Variants in HJURP observed in about 807,000 individuals in gnomAD.
HJURP encodes Holliday junction recognition protein, also known as 14-3-3-associated AKT substrate.
A neutral mutation model predicts 72.0 loss-of-function variants in HJURP; 49 were observed. The observed-to-expected ratio is 0.68, with a 90% confidence interval of 0.54 to 0.86. The LOEUF is 0.86. Among genes scored for constraint, HJURP ranks in the 40% least tolerant of loss-of-function variants. The pLI is 0.00. For missense variants in HJURP, 908 were observed against 936.3 expected (o/e 0.97, Z 0.39); for synonymous variants, 357 against 347.1 (o/e 1.03, Z -0.32).
rs1486121451 is a variant in HJURP, at chr2:233,840,756, T to A, written c.2024A>T (p.Asp675Val). 2.5e-6 allele frequency: 4 copies of A among 1,613,840 alleles called. No homozygotes were observed. The African/African-American group carries it at 5.3e-5, about 22-fold the overall frequency. Residue 675 changes from aspartate (D) to valine (V), a missense_variant, in exon 8 of 9, where the codon GAC (aspartate) becomes GTC (valine). Asp to Val is a radical substitution (Grantham distance 152). Around this residue, in one of 3 missense-constraint regions of HJURP, gnomAD observed 598 missense variants for 619.5 expected, o/e 0.97. Transcript: ENST00000411486. ...GGGTCTTTTTGCAGGGAACTGATGG[T>A]CCCTCGTGCCATCCCTCGTGATGGC... ...ARAITRDGTR[D>V]HQFPAKRPRL...
intron 4 of HJURP, among the ~76,000 whole-genome samples, chr2:233,847,839 G>A (rs1705405714): frequency 6.6e-6 from 1 of 152,230 alleles, no homozygotes; most frequent in South Asian, 2.1e-4. Context: ...GAACAGCTGG[G>A]ATGTGGCCAG....
rs2124954160 is a variant in HJURP, at chr2:233,837,165, A to T, written c.*412T>A. On this transcript the variant is annotated 3_prime_UTR_variant, in exon 9 of 9. Coordinates refer to ENST00000411486, the MANE Select transcript of HJURP (RefSeq NM_018410.5). ...GCCAGGCGTGGTGGCGCGCGCCTGT[A>T]ATCCCAGCTACTCGGGAGGCTGAGG... is the stretch of plus-strand genomic sequence containing the variant. 1 of 200,164 alleles carries T rather than the reference A, an allele frequency of 5.0e-6. No homozygotes were observed. The highest frequency in any genetic ancestry group is 2.4e-5 in the African/African-American group (1 of 41,836). 12.4% of individuals were successfully genotyped at this position (200,164 alleles called of 1,614,324 possible). A position where few individuals can be genotyped will look rare whatever the true frequency, so the allele number is the denominator to read the frequency against.
At chr2:233,850,471 A>G (rs1343243000) in intron 3 of HJURP, among the ~76,000 whole-genome samples, 1 of 152,188 alleles carries the variant, frequency 6.6e-6, no homozygotes, top group Admixed American at 6.5e-5. Context: ...ATCCCAGAGC[A>G]TGGCATCGGT....
chr2:233,843,649 G>A (rs901552284), intron 7 of HJURP, among the ~76,000 whole-genome samples: 5 of 152,274 alleles, frequency 3.3e-5, no homozygotes, highest in South Asian at 4.1e-4. Flanking sequence ...ACGCAACGGT[G>A]GTACCAGCCT....
rs201354968 is a variant in HJURP at position 233,852,585 on chromosome 2, T to C, written c.220A>G (p.Arg74Gly). The C allele has an allele frequency of 8.1e-6, 13 of 1,604,636 alleles. No homozygotes were observed. Among genetic ancestry groups the C allele is most frequent in the Admixed American group, 1.7e-5 (1 of 59,990 alleles). Residue 74 changes from arginine (R) to glycine (G), a missense_variant, in exon 3 of 9, where the codon AGA (arginine) becomes GGA (glycine). Transcript: ENST00000411486. ...RIWGGRLIKE[R>G]NEGEIQDSSM... Reference sequence around the variant, plus strand: ...AATACCTGGATCTCTCCTTCGTTTCTTTCCTTTATTAGTCTTCCACCCCAA... The same window carrying C: ...AATACCTGGATCTCTCCTTCGTTTCCTTCCTTTATTAGTCTTCCACCCCAA...
In HJURP at chr2:233,846,998, G is replaced by A. The variant is rs1428281850; in HGVS notation, c.402+399C>T. 6.6e-6 allele frequency among the ~76,000 whole-genome samples: 1 copy of A among 152,134 alleles called. No individual in the cohort carries two copies. The highest frequency in any genetic ancestry group is 1.5e-5 in the Non-Finnish European group (1 of 68,028). ...GACCTTGTGACTTGGGGCATTTGAG[G>A]ACAGACCTGGAAATACTCCCTAGAA... On this transcript the variant is annotated intron_variant, in intron 5 of 8. Transcript: ENST00000411486. The surrounding 1 kb of genome is among the most constrained non-coding windows in gnomAD (Gnocchi z 4.3).
intron 8 of HJURP, among the ~76,000 whole-genome samples, chr2:233,840,128 C>A (rs1285765341): frequency 6.6e-6 from 1 of 152,214 alleles, no homozygotes; most frequent in African/African-American, 2.4e-5. Flanking sequence ...CTGCAGGGCA[C>A]CCCTCGCACC....
At chr2:233,840,435 C>T (rs548643016) in intron 8 of HJURP, among the ~76,000 whole-genome samples, 174 bp downstream of exon 8, 9 of 152,320 alleles carry the variant, frequency 5.9e-5, no homozygotes, top group Admixed American at 1.3e-4. Context: ...TTGATAGAGA[C>T]GCTGACTTTA....
At chr2:233,844,133 T>C in intron 7 of HJURP, 72 bp downstream of exon 7, 1 of 1,233,512 alleles carries the variant, frequency 8.1e-7, no homozygotes, top group Middle Eastern at 1.9e-4. Flanking sequence ...TGAGCAGCTC[T>C]GAGGGGCCAC....
chr2:233,844,064 G>GTATA (rs1484589185), intron 7 of HJURP, 141 bp downstream of exon 7: 3 of 656,114 alleles, frequency 4.6e-6, no homozygotes, highest in Non-Finnish European at 8.1e-6. Context: ...TGAAATCCAA[G>GTATA]TATATCTCTA....
intron 1 of HJURP, 33 bp from the exon 2 acceptor site, chr2:233,853,943 C>T (rs371809743): frequency 4.4e-6 from 7 of 1,605,526 alleles, no homozygotes; most frequent in Non-Finnish European, 5.1e-6. Flanking sequence ...CTGTCAGGTT[C>T]CAGGGCCACG....
chr2:233,854,466 T>A lies in HJURP; in HGVS notation c.35A>T (p.Asp12Val), dbSNP rs775445354. ...CTGCAGCAGCTGGTCGTCTTCCACG[T>A]CCTCGCCCTCCATGGCGCGCAGCGT... ...LGTLRAMEGE[D>V]VEDDQLLQKL... is the part of the protein sequence containing the mutation. The change falls in exon 1 of 9, where the codon GAC (aspartate) becomes GTC (valine). Residue 12 changes from aspartate to valine, a missense_variant. Coordinates refer to ENST00000411486, the MANE Select transcript of HJURP (RefSeq NM_018410.5). 8.3e-5 allele frequency: 134 copies of A among 1,612,504 alleles called. No homozygotes were observed. Among genetic ancestry groups the A allele is most frequent in the Non-Finnish European group, 1.0e-4 (120 of 1,179,476 alleles).
rs777546392 is a variant in HJURP, at chr2:233,847,472, A to G, written c.338-11T>C. On this transcript the variant is annotated splice_polypyrimidine_tract_variant and intron_variant, in intron 4 of 8. Transcript: ENST00000411486. ...CACCGCTTTTTGAATCTAAAAGTCA[A>G]ACAAGTAAATCTCAATCAGGATTTT... 3 of 1,612,370 alleles carry G rather than the reference A, an allele frequency of 1.9e-6. No homozygotes were observed. In the African/African-American group the frequency reaches 4.0e-5, roughly 22 times the overall value.
At position 233,841,143 on chromosome 2, in the gene HJURP, C is replaced by G; in HGVS notation, c.1637G>C (p.Gly546Ala). ...CTTTCTAAATATTCCAGAACTATTTCCCTGAACGTGAAGGTCAGATGTCTG... is the reference window on the plus strand; with the variant it reads ...CTTTCTAAATATTCCAGAACTATTTGCCTGAACGTGAAGGTCAGATGTCTG... ...PQQTSDLHVQGNSSGIFRKSV... is the reference protein window; with the variant it reads ...PQQTSDLHVQANSSGIFRKSV... The change falls in exon 8 of 9, where the codon GGA becomes GCA. Residue 546 changes from glycine to alanine, a missense_variant. Around this residue, in one of 3 missense-constraint regions of HJURP, gnomAD observed 598 missense variants for 619.5 expected, o/e 0.97. Coordinates refer to ENST00000411486, the MANE Select transcript of HJURP (RefSeq NM_018410.5). 6.2e-7 allele frequency: 1 copy of G among 1,614,140 alleles called. No homozygotes were observed. Among genetic ancestry groups the G allele is most frequent in the Non-Finnish European group, 8.5e-7 (1 of 1,180,024 alleles).
intron 7 of HJURP, among the ~76,000 whole-genome samples, chr2:233,842,700 C>T (rs767722031): frequency 2.0e-5 from 3 of 151,636 alleles, no homozygotes; most frequent in Non-Finnish European, 4.4e-5. Context: ...TCCAAATACT[C>T]TGAGTGTCTG....
intron 7 of HJURP, among the ~76,000 whole-genome samples, chr2:233,843,402 C>T (rs967894456): frequency 6.6e-6 from 1 of 152,100 alleles, no homozygotes; most frequent in Non-Finnish European, 1.5e-5. Context: ...CAATGACCAG[C>T]CTAAAAGTCA....
intron 8 of HJURP, among the ~76,000 whole-genome samples, chr2:233,839,024 C>T (rs1414681585): frequency 6.6e-6 from 1 of 152,204 alleles, no homozygotes; most frequent in East Asian, 1.9e-4. Context: ...AGCTGGGGCC[C>T]TGCAGAGAAA....
Position 233,841,058 on chromosome 2 carries a change from C to G in HJURP, c.1722G>C (p.Arg574Ser), listed in dbSNP as rs1486778104. The G allele has an allele frequency of 1.2e-6, 2 of 1,614,022 alleles. No individual in the cohort carries two copies. The highest frequency in any genetic ancestry group is 1.7e-6 in the Non-Finnish European group (2 of 1,180,018). The stretch of plus-strand genomic sequence containing the variant: ...CTTCTTTAATTTCATCGTAACGATT[C>G]CTTCCGTGGCCTGGCACTTCTTTAT... ...VPDKEVPGHGRNRYDEIKEEF... is the reference protein window; with the variant it reads ...VPDKEVPGHGSNRYDEIKEEF... The change falls in exon 8 of 9, where the codon AGG becomes AGC. Residue 574 changes from arginine (R) to serine (S), a missense_variant. Physicochemically the swap from Arg to Ser is moderately radical, Grantham distance 110. Coordinates refer to ENST00000411486, the MANE Select transcript of HJURP (RefSeq NM_018410.5).
Position 233,842,166 on chromosome 2 carries a change from G to A in HJURP, c.614C>T (p.Pro205Leu). The change falls in exon 8 of 9, where the codon CCA becomes CTA. Residue 205 changes from proline (P) to leucine (L), a missense_variant. Physicochemically the swap from Pro to Leu is moderately conservative, Grantham distance 98. This residue lies in a region of HJURP where 299 missense variants were observed against 286.7 expected (regional missense o/e 1.04). Coordinates refer to ENST00000411486, the MANE Select transcript of HJURP (RefSeq NM_018410.5). ...TCTGGGAGATGAAGCTGGTTTCGCT[G>A]GGTCACCAGGACTCTTTCTGGAGAT... is the stretch of plus-strand genomic sequence containing the variant. The part of the protein sequence containing the change: ...SRISRKSPGD[P>L]AKPASSPREW... 1 of 1,613,702 alleles carries A rather than the reference G, an allele frequency of 6.2e-7. No homozygotes were observed. The highest frequency in any genetic ancestry group is 1.1e-5 in the South Asian group (1 of 91,026).
Sources: gnomAD v4.1 joint callset for allele counts (sites outside exome capture counted in the v4.1 genomes callset) on GRCh38, gnomAD v4.1.1 for gene constraint, gnomAD v4.1.1 regional missense constraint, Gnocchi (gnomAD v3.1) non-coding constraint, MANE v1.5 for transcripts, NCBI Gene and HGNC (gene_info 2026-07-23, HGNC 2026-07-21) for gene names.